The following CCSER1 variants were observed in gnomAD, a reference collection of about 807,000 sequenced individuals.
CCSER1 encodes coiled-coil serine rich protein 1, also known as serine-rich coiled-coil domain-containing protein 1.
CCSER1 carries 41 observed loss-of-function variants against 82.0 expected under a neutral mutation model. That is an observed-to-expected ratio of 0.50 (90% CI 0.39 to 0.65). CCSER1 has a LOEUF of 0.65. Among genes scored for constraint, CCSER1 ranks in the 30% least tolerant of loss-of-function variants. The pLI is 0.00. For synonymous variants in CCSER1, 414 were observed against 383.9 expected, an observed-to-expected ratio of 1.08 and a Z score of -0.92; for missense variants, 1,119 against 1,064.2, an observed-to-expected ratio of 1.05 and a Z score of -0.72.
intron 10 of CCSER1, among the ~76,000 whole-genome samples, chr4:91,164,662 C>T (rs1197477862): frequency 6.6e-6 from 1 of 152,152 alleles, no homozygotes; most frequent in Non-Finnish European, 1.5e-5. Context: ...CTTCTCTTCT[C>T]ACTTCATTTC....
chr4:91,143,736 A>T (rs1002043210), intron 10 of CCSER1, among the ~76,000 whole-genome samples: 1 of 151,806 alleles, frequency 6.6e-6, no homozygotes, highest in Non-Finnish European at 1.5e-5. Flanking sequence ...AGATTATCAT[A>T]TGGTTTTTGT....
At chr4:91,522,423 G>A (rs1166383521) in intron 10 of CCSER1, among the ~76,000 whole-genome samples, 2 of 152,128 alleles carry the variant, frequency 1.3e-5, no homozygotes, top group Non-Finnish European at 2.9e-5. Flanking sequence ...GTCATTGGTA[G>A]CTTGATGGGG....
At chr4:91,298,909 A>C (rs1215041540) in intron 10 of CCSER1, among the ~76,000 whole-genome samples, 1 of 152,010 alleles carries the variant, frequency 6.6e-6, no homozygotes, top group Non-Finnish European at 1.5e-5. Context: ...GTTTTAGCAC[A>C]GTGGTTCTCT....
intron 4 of CCSER1, among the ~76,000 whole-genome samples, chr4:90,400,417 A>C (rs1752653005): frequency 6.6e-6 from 1 of 152,184 alleles, no homozygotes; most frequent in African/African-American, 2.4e-5. Context: ...AATTAACAAA[A>C]AGTTTAATAT....
chr4:91,118,967 A>G (rs1726859571), intron 10 of CCSER1, among the ~76,000 whole-genome samples: 1 of 152,184 alleles, frequency 6.6e-6, no homozygotes, highest in Non-Finnish European at 1.5e-5. Flanking sequence ...TGGGATTCTC[A>G]GTGAATGTGC....
chr4:91,443,294 T>C (rs577643209), intron 10 of CCSER1, among the ~76,000 whole-genome samples: 1 of 152,120 alleles, frequency 6.6e-6, no homozygotes, highest in Admixed American at 6.5e-5. Flanking sequence ...TATGCAGCCA[T>C]AAAAAATGAT....
intron 10 of CCSER1, among the ~76,000 whole-genome samples, chr4:91,136,740 C>T (rs1401873795): frequency 1.3e-5 from 2 of 152,062 alleles, no homozygotes; most frequent in Admixed American, 6.5e-5. Flanking sequence ...TTATCAAAAT[C>T]TATTTATTCA....
intron 1 of CCSER1, among the ~76,000 whole-genome samples, chr4:90,266,011 A>G (rs906889895): frequency 6.6e-6 from 1 of 152,134 alleles, no homozygotes; most frequent in African/African-American, 2.4e-5. Context: ...TTAACTGGGA[A>G]AACCCTTAGT....
At chr4:90,300,067 GT>G (rs1191470191) in intron 1 of CCSER1, among the ~76,000 whole-genome samples, 2 of 151,946 alleles carry the variant, frequency 1.3e-5, no homozygotes, top group East Asian at 3.9e-4. Flanking sequence ...TTTTCTGAAT[GT>G]TTTTCTGAGA....
intron 10 of CCSER1, among the ~76,000 whole-genome samples, chr4:91,233,082 G>A (rs928592369): frequency 2.0e-5 from 3 of 151,624 alleles, no homozygotes; most frequent in Non-Finnish European, 4.4e-5. Context: ...TCTCTGTTTG[G>A]AGTTTTAAAA....
At chr4:90,562,855 A>ATTTT (rs1560723645) in intron 5 of CCSER1, among the ~76,000 whole-genome samples, 6 of 147,714 alleles carry the variant, frequency 4.1e-5, no homozygotes, top group South Asian at 2.1e-4. Context: ...TTTTTTTTAA[A>ATTTT]AAAAAAAAAA....
chr4:90,478,223 CCT>C (rs1196589126), intron 5 of CCSER1, among the ~76,000 whole-genome samples: 2 of 151,994 alleles, frequency 1.3e-5, no homozygotes, highest in Admixed American at 6.6e-5. Context: ...AAAGGGTTCC[CCT>C]GATTGATGGA....
At chr4:91,425,682 T>A (rs1189760581) in intron 10 of CCSER1, among the ~76,000 whole-genome samples, 8 of 152,172 alleles carry the variant, frequency 5.3e-5, no homozygotes, top group Non-Finnish European at 2.9e-5. Context: ...TCTAAAATAA[T>A]CAGTCATAGA....
chr4:90,403,498 CAAAAAAAAAAA>C lies in CCSER1; in HGVS notation c.1603+3381_1603+3391del, dbSNP rs753570201. On this transcript the variant is annotated intron_variant, in intron 4 of 10. Transcript: ENST00000509176. ...TGGGCGACAGAGCGAGACTCCGTCT[CAAAAAAAAAAA>C]AAAAAAAAAAAGAAAAAAGACCTCA... Among the ~76,000 whole-genome samples, 3 of 46,018 alleles carry C rather than the reference CAAAAAAAAAAA, an allele frequency of 6.5e-5. 1 individual carries two copies. Among genetic ancestry groups the C allele is most frequent in the Admixed American group, 2.1e-4 (1 of 4,652 alleles). 30.2% of individuals were successfully genotyped at this position (46,018 alleles called of 152,430 possible).
chr4:90,275,703 G>A (rs976097067), intron 1 of CCSER1, among the ~76,000 whole-genome samples: 2 of 152,246 alleles, frequency 1.3e-5, no homozygotes, highest in South Asian at 4.1e-4. Context: ...TATTAGAAAA[G>A]TTTTGAATAC....
chr4:90,291,169 GTC>G (rs1196572109), intron 1 of CCSER1, among the ~76,000 whole-genome samples: 12 of 152,006 alleles, frequency 7.9e-5, no homozygotes, highest in Admixed American at 3.9e-4. Context: ...GGCAGTGAGA[GTC>G]TCTGCTTTTA....
intron 1 of CCSER1, among the ~76,000 whole-genome samples, chr4:90,137,658 T>A (rs1440761749): frequency 1.3e-5 from 2 of 152,204 alleles, no homozygotes; most frequent in Non-Finnish European, 2.9e-5. Context: ...ATTAGTAAAT[T>A]TGAAGTTCTG....
chr4:90,783,116 A>C (rs1039474480), intron 7 of CCSER1, among the ~76,000 whole-genome samples: 1 of 150,554 alleles, frequency 6.6e-6, no homozygotes. Flanking sequence ...TAATTTTTCT[A>C]TTTTTAGTAG....
At chr4:90,415,526 G>A (rs566619185) in intron 4 of CCSER1, among the ~76,000 whole-genome samples, 2 of 152,256 alleles carry the variant, frequency 1.3e-5, no homozygotes, top group African/African-American at 4.8e-5. Context: ...CAGATATTAA[G>A]CAATGTTATT....
Sources: gnomAD v4.1 joint callset for allele counts (sites outside exome capture counted in the v4.1 genomes callset) on GRCh38, gnomAD v4.1.1 for gene constraint, MANE v1.5 for transcripts, NCBI Gene and HGNC (gene_info 2026-07-23, HGNC 2026-07-21) for gene names.